Variants in MET observed in about 807,000 individuals in gnomAD.
The protein encoded by MET is MET proto-oncogene, receptor tyrosine kinase.
Under a neutral mutation model 133.1 loss-of-function variants are expected in MET, and 48 were observed. That is an observed-to-expected ratio of 0.36 (90% confidence interval 0.29 to 0.46). The LOEUF (loss-of-function observed/expected upper bound fraction) is 0.46. Ranked by LOEUF, MET falls within the 20% of genes least tolerant of loss-of-function variation. The pLI is 1.00. For synonymous variants in MET, 628 were observed against 616.5 expected, an observed-to-expected ratio of 1.02 and a Z score of -0.28; for missense variants, 1,442 against 1,695.9, an observed-to-expected ratio of 0.85 and a Z score of 2.63.
intron 1 of MET, among the ~76,000 whole-genome samples, chr7:116,697,200 G>A (rs551206309): frequency 9.9e-5 from 15 of 152,212 alleles, no homozygotes; most frequent in African/African-American, 3.6e-4. Context: ...AATCATCTTT[G>A]TTTGTCTTTG....
intron 11 of MET, among the ~76,000 whole-genome samples, chr7:116,766,736 A>AAT (rs774869768): frequency 2.0e-5 from 3 of 152,184 alleles, no homozygotes; most frequent in East Asian, 1.9e-4. Flanking sequence ...CATTCTGCAA[A>AAT]ATATATATAT....
chr7:116,746,233 C>T (rs1793675615), intron 5 of MET, among the ~76,000 whole-genome samples: 1 of 152,202 alleles, frequency 6.6e-6, no homozygotes, highest in Non-Finnish European at 1.5e-5. Context: ...CAATGAGATA[C>T]CATCTCACAC....
intron 16 of MET, among the ~76,000 whole-genome samples, chr7:116,778,008 A>G (rs535021820): frequency 6.6e-6 from 1 of 152,338 alleles, no homozygotes; most frequent in South Asian, 2.1e-4. Context: ...TAAATAAATG[A>G]AACCTACCCC....
At chr7:116,741,891 CAT>C in intron 5 of MET, among the ~76,000 whole-genome samples, 1 of 152,238 alleles carries the variant, frequency 6.6e-6, no homozygotes, top group East Asian at 1.9e-4. Context: ...TGGCAATGGA[CAT>C]TGGCTCTAAC....
intron 1 of MET, among the ~76,000 whole-genome samples, chr7:116,687,035 G>A (rs921156067): frequency 1.2e-4 from 18 of 152,298 alleles, no homozygotes; most frequent in African/African-American, 3.8e-4. Flanking sequence ...GCACAGCCTG[G>A]GCGTGTTGCA....
At chr7:116,728,162 G>A (rs1236447067) in intron 2 of MET, among the ~76,000 whole-genome samples, 1 of 152,180 alleles carries the variant, frequency 6.6e-6, no homozygotes, top group Admixed American at 6.5e-5. Context: ...AAAAAGGTTA[G>A]AGTCTCCTGG....
At chr7:116,726,170 T>C (rs866909935) in intron 2 of MET, among the ~76,000 whole-genome samples, 4 of 96,300 alleles carry the variant, frequency 4.2e-5, no homozygotes, top group Non-Finnish European at 6.1e-5. Context: ...TATATATATA[T>C]ATATATATGG....
At chr7:116,712,735 A>G (rs967384716) in intron 2 of MET, among the ~76,000 whole-genome samples, 4 of 152,068 alleles carry the variant, frequency 2.6e-5, no homozygotes, top group Non-Finnish European at 5.9e-5. Context: ...CCAGTCTGCA[A>G]TGAAGATTGA....
At chr7:116,757,936 A>T in intron 8 of MET, 162 bp downstream of exon 8, 2 of 756,952 alleles carry the variant, frequency 2.6e-6, no homozygotes, top group South Asian at 1.8e-5. Context: ...AAATTCATCT[A>T]CTCCTTTTGC....
chr7:116,700,338 G>C, intron 2 of MET, 54 bp downstream of exon 2: 1 of 1,562,032 alleles, frequency 6.4e-7, no homozygotes, highest in Non-Finnish European at 8.6e-7. Flanking sequence ...TTAGAAATAA[G>C]TATCAGTCTC....
At chr7:116,731,517 G>A (rs1793002311) in intron 2 of MET, 151 bp from the exon 3 acceptor site, 1 of 757,104 alleles carries the variant, frequency 1.3e-6, no homozygotes, top group Non-Finnish European at 2.2e-6. Context: ...TCAGTCCCTA[G>A]AAATATTTAT....
At chr7:116,771,133 G>T (rs1355058670) in intron 12 of MET, among the ~76,000 whole-genome samples, 1 of 152,164 alleles carries the variant, frequency 6.6e-6, no homozygotes, top group East Asian at 1.9e-4. Context: ...ATGTCCCATT[G>T]TCTCTGTTGA....
At chr7:116,723,376 C>T (rs1218086070) in intron 2 of MET, among the ~76,000 whole-genome samples, 3 of 149,624 alleles carry the variant, frequency 2.0e-5, no homozygotes, top group Admixed American at 6.6e-5. Flanking sequence ...TCTAGTTATA[C>T]ATTCTTCTAA....
chr7:116,728,434 C>T (rs1347029293), intron 2 of MET, among the ~76,000 whole-genome samples: 1 of 152,126 alleles, frequency 6.6e-6, no homozygotes, highest in Non-Finnish European at 1.5e-5. Flanking sequence ...AACTCTAATA[C>T]AGAGTTCTAC....
At chr7:116,728,599 A>G (rs1371685556) in intron 2 of MET, among the ~76,000 whole-genome samples, 1 of 152,126 alleles carries the variant, frequency 6.6e-6, no homozygotes, top group Non-Finnish European at 1.5e-5. Flanking sequence ...TGCTGGCCTG[A>G]TTCAGCAAGA....
chr7:116,769,268 T>C (rs1484956847), intron 11 of MET, among the ~76,000 whole-genome samples: 1 of 152,222 alleles, frequency 6.6e-6, no homozygotes, highest in Admixed American at 6.5e-5. Flanking sequence ...TGGGCAGTGT[T>C]AGATAGTGCA....
chr7:116,760,293 G>A (rs1794348789), intron 10 of MET, among the ~76,000 whole-genome samples: 1 of 151,778 alleles, frequency 6.6e-6, no homozygotes. Context: ...CCCTTTGTTA[G>A]CTCTTTCTTG....
intron 1 of MET, among the ~76,000 whole-genome samples, chr7:116,679,993 T>G (rs1398938962): frequency 6.6e-6 from 1 of 152,190 alleles, no homozygotes; most frequent in Non-Finnish European, 1.5e-5. Context: ...CATCACATTT[T>G]TATCCTCAGA....
rs746388251 is a variant in MET at position 116,757,686 on chromosome 7, G to T, written c.2014G>T (p.Gly672Cys). ...ISPKYGPMAG[G>C]TLLTLTGNYL... ...GCCGAAATACGGTCCTATGGCTGGT[G>T]GCACTTTACTTACTTTAACTGGAAA... Residue 672 changes from glycine (G) to cysteine (C), a missense_variant, in exon 8 of 21, where the codon GGC (glycine) becomes TGC (cysteine). Around this residue, in one of 6 missense-constraint regions of MET, gnomAD observed 514 missense variants for 659.6 expected, o/e 0.78. Coordinates refer to ENST00000397752, the MANE Select transcript of MET (RefSeq NM_000245.4). The T allele has an allele frequency of 6.2e-7, 1 of 1,613,882 alleles. No individual in the cohort carries two copies. The highest frequency in any genetic ancestry group is 1.3e-5 in the African/African-American group (1 of 74,992).
Sources: gnomAD v4.1 joint callset for allele counts (sites outside exome capture counted in the v4.1 genomes callset) on GRCh38, gnomAD v4.1.1 for gene constraint, gnomAD v4.1.1 regional missense constraint, MANE v1.5 for transcripts, NCBI Gene and HGNC (gene_info 2026-07-23, HGNC 2026-07-21) for gene names.